The following TNFRSF10B variants were observed in gnomAD, a reference collection of about 807,000 sequenced individuals.
TNFRSF10B encodes the protein tumor necrosis factor receptor superfamily member 10B.
A neutral mutation model predicts 41.4 loss-of-function variants in TNFRSF10B; 35 were observed. That is an observed-to-expected ratio of 0.85 (90% CI 0.65 to 1.12). The LOEUF (loss-of-function observed/expected upper bound fraction) is 1.12. Ranked by LOEUF, TNFRSF10B falls within the 50% of genes most tolerant of loss-of-function variation. TNFRSF10B has a pLI of 0.00. For synonymous variants in TNFRSF10B, 230 were observed against 215.5 expected, an observed-to-expected ratio of 1.07 and a Z score of -0.59; for missense variants, 584 against 552.7, an observed-to-expected ratio of 1.06 and a Z score of -0.57.
At chr8:23,045,160 G>A (rs1306007917) in intron 1 of TNFRSF10B, among the ~76,000 whole-genome samples, 2 of 151,754 alleles carry the variant, frequency 1.3e-5, no homozygotes, top group Non-Finnish European at 2.9e-5. Flanking sequence ...AACCTGGGAG[G>A]TGAAAGTGGC....
At chr8:23,060,712 G>A (rs534813178) in intron 1 of TNFRSF10B, among the ~76,000 whole-genome samples, 1 of 152,288 alleles carries the variant, frequency 6.6e-6, no homozygotes, top group South Asian at 2.1e-4. Flanking sequence ...TACATTGAAT[G>A]TATAGATCAC....
intron 6 of TNFRSF10B, 142 bp downstream of exon 6, chr8:23,027,578 CCA>C: frequency 8.7e-7 from 1 of 1,145,718 alleles, no homozygotes; most frequent in Non-Finnish European, 1.3e-6. Flanking sequence ...CATGTGTCCC[CCA>C]CAGTCAGCCC....
At chr8:23,060,669 C>T (rs147354874) in intron 1 of TNFRSF10B, among the ~76,000 whole-genome samples, 288 of 152,212 alleles carry the variant, frequency 1.9e-3, no homozygotes, top group Non-Finnish European at 3.1e-3. Flanking sequence ...TTTTTCATTT[C>T]TGCAAAAATG....
intron 1 of TNFRSF10B, among the ~76,000 whole-genome samples, chr8:23,045,060 C>CAAAAAAAAAAAAAAA (rs35953846): frequency 1.0e-4 from 4 of 38,804 alleles, no homozygotes; most frequent in Non-Finnish European, 1.8e-4. Flanking sequence ...TAATAAAATA[C>CAAAAAAAAAAAAAAA]AAAAAAAAAA....
Position 23,020,880 on chromosome 8 carries a change from G to A in TNFRSF10B, c.*1791C>T, listed in dbSNP as rs1437024428. The stretch of plus-strand genomic sequence containing the variant: ...AAAGACCAGGAGGCAGCAGCACCCT[G>A]TGCCTTCCAGAAGTGCAGGGGACAA... On this transcript the variant is annotated 3_prime_UTR_variant, in exon 9 of 9. Transcript: ENST00000276431. 6.6e-6 allele frequency: 3 copies of A among 453,958 alleles called. No individual in the cohort carries two copies. In the Admixed American group the frequency reaches 7.1e-5, roughly 11 times the overall value. 28.1% of individuals were successfully genotyped at this position (453,958 alleles called of 1,614,324 possible).
intron 2 of TNFRSF10B, among the ~76,000 whole-genome samples, chr8:23,040,275 AT>A (rs1282891647): frequency 1.9e-5 from 2 of 103,616 alleles, no homozygotes; most frequent in Non-Finnish European, 4.2e-5. Flanking sequence ...AAATATATAT[AT>A]AATATATATT....
intron 1 of TNFRSF10B, among the ~76,000 whole-genome samples, chr8:23,058,055 T>C (rs1676642108): frequency 6.6e-6 from 1 of 152,188 alleles, no homozygotes; most frequent in South Asian, 2.1e-4. Context: ...GAGACCAGAC[T>C]GGCCAACATG....
At position 23,022,040 on chromosome 8, in the gene TNFRSF10B, C is replaced by T; in HGVS notation, c.*631G>A. The T allele has an allele frequency of 2.2e-6, 1 of 448,244 alleles. No homozygotes were observed. Among genetic ancestry groups the T allele is most frequent in the Non-Finnish European group, 4.5e-6 (1 of 223,122 alleles). The allele number at this position is 448,244 out of a possible 1,614,324, so 27.8% of individuals were successfully genotyped here. A position where few individuals can be genotyped will look rare whatever the true frequency, so the allele number is the denominator to read the frequency against. ...TTGGGAGTCTGAGGTGGGCAGACTG[C>T]TTGAGTCCAGGAATTCGAGACCACC... On this transcript the variant is annotated 3_prime_UTR_variant, in exon 9 of 9. Transcript: ENST00000276431.
intron 1 of TNFRSF10B, among the ~76,000 whole-genome samples, chr8:23,044,637 C>A (rs1366033541): frequency 6.6e-6 from 1 of 151,874 alleles, no homozygotes; most frequent in Non-Finnish European, 1.5e-5. Context: ...GCAGCAAAAG[C>A]AGTTTTAAGA....
At chr8:23,063,398 T>C (rs1389735012) in intron 1 of TNFRSF10B, among the ~76,000 whole-genome samples, 4 of 152,094 alleles carry the variant, frequency 2.6e-5, no homozygotes, top group Admixed American at 2.0e-4. Context: ...TCTATTCAGA[T>C]TGAAATCTTT....
chr8:23,059,229 T>C (rs947594666), intron 1 of TNFRSF10B, among the ~76,000 whole-genome samples: 5 of 152,272 alleles, frequency 3.3e-5, no homozygotes, highest in African/African-American at 9.6e-5. Flanking sequence ...TACCACATTA[T>C]CTATTGATCT....
chr8:23,027,537 G>A (rs1811740809), intron 6 of TNFRSF10B, 185 bp downstream of exon 6: 9 of 837,382 alleles, frequency 1.1e-5, no homozygotes, highest in Non-Finnish European at 1.7e-5. Context: ...CTGCAGCAGG[G>A]CTCACCAGCC....
intron 6 of TNFRSF10B, 164 bp from the exon 7 acceptor site, chr8:23,027,452 C>G: frequency 2.2e-6 from 2 of 903,750 alleles, no homozygotes; most frequent in South Asian, 3.0e-5. Flanking sequence ...CTGCTGGGGC[C>G]AGGCCCCCAG....
chr8:23,024,139 G>T, intron 8 of TNFRSF10B, 49 bp downstream of exon 8: 1 of 1,611,432 alleles, frequency 6.2e-7, no homozygotes, highest in South Asian at 1.1e-5. Context: ...TTAGGACCCT[G>T]TCCCTATTCC....
At chr8:23,037,665 C>G (rs1812063338) in intron 2 of TNFRSF10B, among the ~76,000 whole-genome samples, 1 of 152,186 alleles carries the variant, frequency 6.6e-6, no homozygotes, top group Non-Finnish European at 1.5e-5. Flanking sequence ...ATGTTCCCCA[C>G]CATCTCAAAA....
Position 23,067,015 on chromosome 8 carries a change from G to T in TNFRSF10B, c.144+1736C>A, listed in dbSNP as rs555458159. On this transcript the variant is annotated intron_variant, in intron 1 of 8. Coordinates refer to ENST00000276431, the MANE Select transcript of TNFRSF10B (RefSeq NM_003842.5). ...TTTTTTGAGTTGGAGTCTTGCTCTT[G>T]TCTCCCAGGCTGGAGTGCAGTGGCG... 2.5e-3 allele frequency among the ~76,000 whole-genome samples: 368 copies of T among 150,154 alleles called. 4 individuals are homozygous for T. The highest frequency in any genetic ancestry group is 8.7e-3 in the African/African-American group (357 of 40,876).
intron 1 of TNFRSF10B, among the ~76,000 whole-genome samples, chr8:23,058,490 G>GT (rs1212520425): frequency 1.5e-5 from 2 of 129,548 alleles, no homozygotes; most frequent in Admixed American, 1.7e-4. Flanking sequence ...TTGTGTATTG[G>GT]CTTTTTTTTT....
At chr8:23,049,859 G>GC (rs773029844) in intron 1 of TNFRSF10B, 4 of 152,256 alleles carry the variant, frequency 2.6e-5, no homozygotes, top group Admixed American at 6.5e-5. Flanking sequence ...TTATTGGGCA[G>GC]CCCCACCCTC....
intron 4 of TNFRSF10B, 101 bp downstream of exon 4, chr8:23,029,509 T>C (rs1811814235): frequency 1.7e-6 from 2 of 1,158,840 alleles, no homozygotes; most frequent in South Asian, 2.6e-5. Context: ...GCCTCAAGGA[T>C]GCCCCTTGCG....
Sources: allele counts gnomAD v4.1 joint callset (sites outside exome capture counted in the v4.1 genomes callset), GRCh38; gene constraint gnomAD v4.1.1; transcripts MANE v1.5; gene names NCBI Gene and HGNC (gene_info 2026-07-23, HGNC 2026-07-21).